Variants in PLD5 observed in about 807,000 individuals in gnomAD.
The protein encoded by PLD5 is phospholipase D family member 5.
In PLD5, 36 loss-of-function variants were observed where a neutral mutation model predicts 61.1. The observed-to-expected ratio is 0.59, with a 90% CI of 0.45 to 0.78. The LOEUF (loss-of-function observed/expected upper bound fraction) is 0.78, where lower values mean the gene tolerates loss of function less well. Ranked by LOEUF, PLD5 falls within the 30% of genes least tolerant of loss-of-function variation. The probability of loss-of-function intolerance (pLI) is 0.00; values close to 1 mark genes in which losing one functional copy is unlikely to be tolerated. For synonymous variants in PLD5, 243 were observed against 242.8 expected, an observed-to-expected ratio of 1.00 and a Z score of -0.01; for missense variants, 515 against 644.4, an observed-to-expected ratio of 0.80 and a Z score of 2.17.
At chr1:242,467,529 G>A (rs989960479) in intron 1 of PLD5, among the ~76,000 whole-genome samples, 24 of 152,100 alleles carry the variant, frequency 1.6e-4, no homozygotes, top group African/African-American at 5.3e-4. Flanking sequence ...TAGCAATCTC[G>A]TTTCTTGACC....
chr1:242,197,836 G>C (rs1229944169), intron 5 of PLD5, among the ~76,000 whole-genome samples: 1 of 152,034 alleles, frequency 6.6e-6, no homozygotes, highest in Admixed American at 6.6e-5. Flanking sequence ...GTTTCGCCAT[G>C]TTGGCCAGGC....
intron 6 of PLD5, among the ~76,000 whole-genome samples, chr1:242,119,713 A>G (rs1319198262): frequency 1.3e-5 from 2 of 152,184 alleles, no homozygotes; most frequent in Non-Finnish European, 2.9e-5. Flanking sequence ...AAAAACTCTC[A>G]TATATTGCTG....
rs199939149 is a variant in PLD5, at chr1:242,272,908, G to GT, written c.496-7461dup. On this transcript the variant is annotated intron_variant, in intron 3 of 9. Coordinates refer to ENST00000536534, the MANE Select transcript of PLD5 (RefSeq NM_001372062.1). ...ATGGTATGCACAAGATTTTTTGTTT[G>GT]TTTTTTTTTCTTTTTTAATTTTTAA... Among the ~76,000 whole-genome samples the GT allele has an allele frequency of 2.8e-3, 419 of 150,804 alleles. 4 individuals are homozygous for GT. Among genetic ancestry groups the GT allele is most frequent in the African/African-American group, 9.4e-3 (388 of 41,112 alleles).
chr1:242,253,825 A>G (rs551775647), intron 4 of PLD5, among the ~76,000 whole-genome samples: 87 of 152,352 alleles, frequency 5.7e-4, no homozygotes, highest in African/African-American at 2.0e-3. Flanking sequence ...TATGTTTTAG[A>G]GCAAATGTTT....
At chr1:242,421,475 T>G (rs1665139635) in intron 1 of PLD5, among the ~76,000 whole-genome samples, 1 of 152,158 alleles carries the variant, frequency 6.6e-6, no homozygotes, top group Non-Finnish European at 1.5e-5. Context: ...AACAAACACT[T>G]CTATTCAGAA....
rs59083795 is a variant in PLD5 at position 242,318,659 on chromosome 1, ATTT to A, written c.326+29444_326+29446del. ...ACTTTTTGGGGCTTTTGATTTTTTA[ATTT>A]TTTTTTTTTTAATATGGGGTCTCTC... On this transcript the variant is annotated intron_variant, in intron 2 of 9. Coordinates refer to ENST00000536534, the MANE Select transcript of PLD5 (RefSeq NM_001372062.1). Among the ~76,000 whole-genome samples the A allele has an allele frequency of 5.0e-4, 74 of 147,128 alleles. 2 individuals carry two copies. The highest frequency in any genetic ancestry group is 1.9e-3 in the Admixed American group (28 of 14,734).
At chr1:242,333,518 C>T (rs1301000081) in intron 2 of PLD5, among the ~76,000 whole-genome samples, 4 of 152,084 alleles carry the variant, frequency 2.6e-5, no homozygotes, top group Admixed American at 6.5e-5. Context: ...AGGATGAGGG[C>T]AGGAGTGTAC....
chr1:242,150,824 T>C (rs1005392856), intron 5 of PLD5, among the ~76,000 whole-genome samples: 3 of 152,020 alleles, frequency 2.0e-5, no homozygotes, highest in Middle Eastern at 3.4e-3. Context: ...GATTAAAATG[T>C]ACTATTTTGA....
intron 2 of PLD5, chr1:242,345,570 G>C (rs1660083756): frequency 3.7e-6 from 5 of 1,357,872 alleles, no homozygotes; most frequent in Non-Finnish European, 4.2e-6. Context: ...GGAAATGATT[G>C]AGGAACTCCA....
intron 2 of PLD5, among the ~76,000 whole-genome samples, chr1:242,313,329 T>C (rs529867074): frequency 6.6e-6 from 1 of 152,352 alleles, no homozygotes; most frequent in East Asian, 1.9e-4. Context: ...TGCTATTGTG[T>C]ATCTCTCATC....
chr1:242,266,963 A>G (rs979882481), intron 3 of PLD5, among the ~76,000 whole-genome samples: 2 of 152,014 alleles, frequency 1.3e-5, no homozygotes, highest in Admixed American at 1.3e-4. Context: ...CTAAAAATAC[A>G]AAAATCAGCT....
intron 5 of PLD5, among the ~76,000 whole-genome samples, chr1:242,167,929 T>A (rs1296643904): frequency 6.6e-6 from 1 of 152,232 alleles, no homozygotes; most frequent in Non-Finnish European, 1.5e-5. Context: ...GAATGTTTGC[T>A]GGAGGAGGAA....
At chr1:242,286,873 A>G (rs1406654490) in intron 3 of PLD5, among the ~76,000 whole-genome samples, 1 of 152,188 alleles carries the variant, frequency 6.6e-6, no homozygotes, top group Non-Finnish European at 1.5e-5. Context: ...GATGTAGTAG[A>G]ATTCCCACTT....
At chr1:242,118,652 T>G (rs1662132895) in intron 6 of PLD5, among the ~76,000 whole-genome samples, 1 of 152,228 alleles carries the variant, frequency 6.6e-6, no homozygotes, top group African/African-American at 2.4e-5. Flanking sequence ...CAAACCTGTG[T>G]CAACAGATGT....
chr1:242,516,165 A>G (rs1449627491), intron 1 of PLD5, among the ~76,000 whole-genome samples: 1 of 150,548 alleles, frequency 6.6e-6, no homozygotes, highest in Non-Finnish European at 1.5e-5. Context: ...CATTTTTCTT[A>G]TTGATTTGTA....
intron 4 of PLD5, among the ~76,000 whole-genome samples, chr1:242,234,610 A>C (rs1331876771): frequency 1.3e-5 from 2 of 151,930 alleles, no homozygotes; most frequent in East Asian, 3.9e-4. Context: ...TGGGTGGTCC[A>C]ACTTAACACC....
At chr1:242,376,996 C>T in intron 1 of PLD5, 1 of 1,611,746 alleles carries the variant, frequency 6.2e-7, no homozygotes. Context: ...GTATTTGAGG[C>T]AGCTTCAGTT....
At chr1:242,116,293 G>T (rs1661940054) in intron 6 of PLD5, among the ~76,000 whole-genome samples, 2 of 152,144 alleles carry the variant, frequency 1.3e-5, no homozygotes. Context: ...CTTAGAAGGG[G>T]CATAGGGGCA....
intron 1 of PLD5, among the ~76,000 whole-genome samples, chr1:242,457,963 A>G (rs1666994582): frequency 6.6e-6 from 1 of 152,190 alleles, no homozygotes; most frequent in South Asian, 2.1e-4. Context: ...ACCAACCTTC[A>G]GAAGAAGGAA....
Sources: allele counts gnomAD v4.1 joint callset (sites outside exome capture counted in the v4.1 genomes callset), GRCh38; gene constraint gnomAD v4.1.1; transcripts MANE v1.5; gene names NCBI Gene and HGNC (gene_info 2026-07-23, HGNC 2026-07-21).